The following ROBO1 variants were observed in gnomAD, a reference collection of about 807,000 sequenced individuals.
ROBO1 encodes roundabout guidance receptor 1.
In ROBO1, 149 loss-of-function variants were observed where a neutral mutation model predicts 195.9. The ratio of observed to expected loss-of-function variants is 0.76; its 90% CI spans 0.67 to 0.87. The LOEUF is 0.87. ROBO1 is among the 40% of genes least tolerant of loss of function. ROBO1 has a pLI of 0.00. For synonymous variants in ROBO1, 816 were observed against 733.2 expected (o/e 1.11, Z -1.82); for missense variants, 1,933 against 2,068.3 (o/e 0.93, Z 1.27).
chr3:79,518,579 T>G (rs2107568339), intron 2 of ROBO1, among the ~76,000 whole-genome samples: 1 of 152,210 alleles, frequency 6.6e-6, no homozygotes, highest in Middle Eastern at 3.4e-3. Context: ...CTTTTCAGAA[T>G]TATGAATGGG....
chr3:79,507,462 T>C (rs1378769849), intron 2 of ROBO1, among the ~76,000 whole-genome samples: 1 of 152,218 alleles, frequency 6.6e-6, no homozygotes, highest in Non-Finnish European at 1.5e-5. Context: ...AAATTTTTTG[T>C]GGAGGTTCTT....
intron 1 of ROBO1, among the ~76,000 whole-genome samples, chr3:79,637,838 G>A (rs1052020590): frequency 6.6e-6 from 1 of 152,010 alleles, no homozygotes; most frequent in Non-Finnish European, 1.5e-5. Context: ...GCAGTATCAG[G>A]CACTCTGTGT....
chr3:79,401,405 C>G (rs2037360650), intron 2 of ROBO1, among the ~76,000 whole-genome samples: 1 of 151,770 alleles, frequency 6.6e-6, no homozygotes, highest in Non-Finnish European at 1.5e-5. Flanking sequence ...TCAAAGTATT[C>G]TGAGGGTAGA....
At chr3:79,199,784 A>C (rs2081727373) in intron 2 of ROBO1, among the ~76,000 whole-genome samples, 1 of 151,758 alleles carries the variant, frequency 6.6e-6, no homozygotes, top group African/African-American at 2.4e-5. Flanking sequence ...TTATTGTCAC[A>C]ATCAGTATAA....
At chr3:79,106,598 A>C (rs541079936) in intron 3 of ROBO1, among the ~76,000 whole-genome samples, 2 of 151,750 alleles carry the variant, frequency 1.3e-5, no homozygotes, top group Admixed American at 1.3e-4. Context: ...ATTTTTGCAA[A>C]CACCTAAAGT....
intron 2 of ROBO1, among the ~76,000 whole-genome samples, chr3:79,578,098 A>ATACT (rs1943552709): frequency 6.6e-6 from 1 of 152,110 alleles, no homozygotes. Context: ...AAATCACGAG[A>ATACT]TACTACTTAC....
At chr3:79,411,362 G>C (rs1307432441) in intron 2 of ROBO1, among the ~76,000 whole-genome samples, 1 of 152,058 alleles carries the variant, frequency 6.6e-6, no homozygotes, top group Non-Finnish European at 1.5e-5. Flanking sequence ...AAATTGTGGA[G>C]GTATTGCATT....
rs1318969170 is a variant in ROBO1, at chr3:78,682,513, CTGTGTATATA to C, written c.1342+3223_1342+3232del. The stretch of plus-strand genomic sequence containing the variant: ...TGTATATGTATATATGTATATATGA[CTGTGTATATA>C]TGTGTATATATGTATATATAGTATA... On this transcript the variant is annotated intron_variant, in intron 10 of 30. Coordinates refer to ENST00000464233, the MANE Select transcript of ROBO1 (RefSeq NM_002941.4). 2.2e-3 allele frequency among the ~76,000 whole-genome samples: 311 copies of C among 141,836 alleles called. 1 individual carries two copies. Among genetic ancestry groups the C allele is most frequent in the African/African-American group, 7.4e-3 (284 of 38,210 alleles). 93.0% of individuals were successfully genotyped at this position (141,836 alleles called of 152,430 possible). A position where few individuals can be genotyped will look rare whatever the true frequency, so the allele number is the denominator to read the frequency against.
chr3:78,638,050 T>C (rs1050180836), intron 22 of ROBO1, among the ~76,000 whole-genome samples: 1 of 151,838 alleles, frequency 6.6e-6, no homozygotes, highest in African/African-American at 2.4e-5. Context: ...TCTTGCAGAC[T>C]GTACATCTGA....
chr3:79,737,007 T>C (rs1329650428), intron 1 of ROBO1, among the ~76,000 whole-genome samples: 3 of 152,222 alleles, frequency 2.0e-5, no homozygotes, highest in Non-Finnish European at 4.4e-5. Flanking sequence ...CTGGATGTAT[T>C]GCTCAGTAAT....
At chr3:79,179,869 C>G (rs1239905574) in intron 2 of ROBO1, among the ~76,000 whole-genome samples, 2 of 152,130 alleles carry the variant, frequency 1.3e-5, no homozygotes, top group African/African-American at 4.8e-5. Context: ...AGCATTTGCA[C>G]CGTTAGTTTA....
intron 3 of ROBO1, among the ~76,000 whole-genome samples, chr3:78,962,552 G>T (rs1238127078): frequency 6.6e-6 from 1 of 152,006 alleles, no homozygotes; most frequent in African/African-American, 2.4e-5. Context: ...TCGGCCGGGC[G>T]CGGTGGCTCA....
chr3:78,877,276 C>A (rs1459863819), intron 4 of ROBO1, among the ~76,000 whole-genome samples: 1 of 151,882 alleles, frequency 6.6e-6, no homozygotes, highest in Non-Finnish European at 1.5e-5. Context: ...TTTAAGACCT[C>A]CAAGAATACA....
intron 3 of ROBO1, among the ~76,000 whole-genome samples, chr3:79,066,311 G>A (rs1228468225): frequency 2.0e-5 from 3 of 151,778 alleles, no homozygotes; most frequent in African/African-American, 7.3e-5. Flanking sequence ...ACATTGGGGG[G>A]CTTCTCAGAC....
intron 4 of ROBO1, among the ~76,000 whole-genome samples, chr3:78,789,793 A>T (rs950560755): frequency 7.2e-5 from 11 of 152,278 alleles, no homozygotes; most frequent in African/African-American, 2.6e-4. Flanking sequence ...ACTTTTGAGA[A>T]AAAACTGTCC....
At position 79,173,339 on chromosome 3, in the gene ROBO1, G is replaced by T. The variant is rs1576770512; in HGVS notation, c.89-47800C>A. Among the ~76,000 whole-genome samples the T allele has an allele frequency of 2.6e-5, 4 of 152,278 alleles. No individual in the cohort carries two copies. In the South Asian group the frequency reaches 6.2e-4, roughly 24 times the overall value. On this transcript the variant is annotated intron_variant, in intron 2 of 30. Coordinates refer to ENST00000464233, the MANE Select transcript of ROBO1 (RefSeq NM_002941.4). ...CTCAGCTTGCGGGGAGGTGTGGAGG[G>T]AGAGGCGCGAGTGGGAACCAGGGCT...
chr3:79,555,909 A>G (rs907514892), intron 2 of ROBO1, among the ~76,000 whole-genome samples: 3 of 152,106 alleles, frequency 2.0e-5, no homozygotes, highest in Non-Finnish European at 2.9e-5. Flanking sequence ...TATCTCATCA[A>G]TGGGCATATC....
chr3:79,464,739 G>A (rs2107283049), intron 2 of ROBO1, among the ~76,000 whole-genome samples: 1 of 151,360 alleles, frequency 6.6e-6, no homozygotes, highest in East Asian at 1.9e-4. Flanking sequence ...TTATAATTTT[G>A]ATGAACTTAA....
At chr3:79,105,770 C>T (rs1342206956) in intron 3 of ROBO1, among the ~76,000 whole-genome samples, 1 of 151,702 alleles carries the variant, frequency 6.6e-6, no homozygotes, top group Non-Finnish European at 1.5e-5. Flanking sequence ...GAGTATACCA[C>T]AAAGCTACAT....
Sources: allele counts gnomAD v4.1 joint callset (sites outside exome capture counted in the v4.1 genomes callset), GRCh38; gene constraint gnomAD v4.1.1; transcripts MANE v1.5; gene names NCBI Gene and HGNC (gene_info 2026-07-23, HGNC 2026-07-21).